PYGO1: variants seen among roughly 807,000 people sequenced by gnomAD.
The protein encoded by PYGO1 is pygopus family PHD finger 1.
A neutral mutation model predicts 29.5 loss-of-function variants in PYGO1; 6 were observed. That is an observed-to-expected ratio of 0.20 (90% CI 0.11 to 0.40). The LOEUF is 0.40. Ranked by LOEUF, PYGO1 falls within the 10% of genes least tolerant of loss-of-function variation. PYGO1 has a pLI of 1.00. For missense variants in PYGO1, 515 were observed against 514.9 expected (o/e 1.00, Z 0.00); for synonymous variants, 186 against 180.5 (o/e 1.03, Z -0.24).
chr15:55,547,222 C>T, intron 2 of PYGO1, 75 bp from the exon 3 acceptor site: 3 of 1,297,396 alleles, frequency 2.3e-6, no homozygotes, highest in Admixed American at 2.5e-5. Context: ...TACCTTAATA[C>T]CTGTGAACCT....
At chr15:55,549,329 A>G (rs1022022822) in intron 1 of PYGO1, among the ~76,000 whole-genome samples, 1 of 152,190 alleles carries the variant, frequency 6.6e-6, no homozygotes, top group African/African-American at 2.4e-5. Flanking sequence ...TAGATATATT[A>G]AAGTATATTA....
rs1256340343 is a variant in PYGO1, at chr15:55,544,926, C to G, written c.*1097G>C. The G allele has an allele frequency of 6.6e-6, 1 of 152,090 alleles. No homozygotes were observed. Among genetic ancestry groups the G allele is most frequent in the African/African-American group, 2.4e-5 (1 of 41,410 alleles). 9.4% of individuals were successfully genotyped at this position (152,090 alleles called of 1,614,324 possible). A position where few individuals can be genotyped will look rare whatever the true frequency, so the allele number is the denominator to read the frequency against. ...CTCAGGTCCATTTTTATACTTTTCCCCAGTCAGAGCGGGAATTCCTTAAGT... is the reference window on the plus strand; with the variant it reads ...CTCAGGTCCATTTTTATACTTTTCCGCAGTCAGAGCGGGAATTCCTTAAGT... On this transcript the variant is annotated 3_prime_UTR_variant, in exon 3 of 3. Transcript: ENST00000563719.
rs543773289 is a variant in PYGO1, at chr15:55,584,144, C to G, written c.49+3691G>C. Among the ~76,000 whole-genome samples, 4 of 136,558 alleles carry G rather than the reference C, an allele frequency of 2.9e-5. No homozygotes were observed. In the South Asian group the frequency reaches 9.3e-4, roughly 32 times the overall value. 89.6% of individuals were successfully genotyped at this position (136,558 alleles called of 152,430 possible). ...TTTTTTTGGTGGGGGCAGATAGGGT[C>G]TCACTCCAATTGCCCAGGCGGGAGT... is the stretch of plus-strand genomic sequence containing the variant. On this transcript the variant is annotated intron_variant, in intron 1 of 2. Coordinates refer to ENST00000563719, the MANE Select transcript of PYGO1 (RefSeq NM_001367806.1).
intron 1 of PYGO1, among the ~76,000 whole-genome samples, chr15:55,552,129 C>A (rs924772930): frequency 4.6e-5 from 7 of 151,774 alleles, no homozygotes; most frequent in Non-Finnish European, 7.4e-5. Context: ...CCGAGGCAGG[C>A]AGATCACTTG....
chr15:55,574,584 A>C (rs1222573584), intron 1 of PYGO1, among the ~76,000 whole-genome samples: 1 of 151,902 alleles, frequency 6.6e-6, no homozygotes, highest in Non-Finnish European at 1.5e-5. Context: ...GAGTTTTTTC[A>C]ATTTGTTGCA....
chr15:55,551,077 G>A (rs200707346), intron 1 of PYGO1, among the ~76,000 whole-genome samples: 44 of 152,258 alleles, frequency 2.9e-4, no homozygotes, highest in East Asian at 2.3e-3. Context: ...GTCAGGAGGC[G>A]GAGCTCAGGC....
At chr15:55,548,864 C>G in intron 2 of PYGO1, 46 bp downstream of exon 2, 1 of 1,533,026 alleles carries the variant, frequency 6.5e-7, no homozygotes, top group Non-Finnish European at 9.0e-7. Flanking sequence ...ATCAGCCTGA[C>G]CATACTAGCA....
At chr15:55,568,617 C>T (rs1030910522) in intron 1 of PYGO1, among the ~76,000 whole-genome samples, 14 of 151,992 alleles carry the variant, frequency 9.2e-5, no homozygotes, top group African/African-American at 3.1e-4. Context: ...TCTAACACTT[C>T]CAGTACTGTA....
intron 1 of PYGO1, among the ~76,000 whole-genome samples, chr15:55,568,883 G>C (rs1416821413): frequency 6.6e-6 from 1 of 152,138 alleles, no homozygotes; most frequent in Non-Finnish European, 1.5e-5. Context: ...TTTATGTGGT[G>C]AATCACACTT....
chr15:55,547,136 G>C lies in PYGO1; in HGVS notation c.147C>G (p.Phe49Leu), dbSNP rs775353014. The C allele has an allele frequency of 1.9e-6, 3 of 1,591,906 alleles. No homozygotes were observed. The highest frequency in any genetic ancestry group is 1.7e-6 in the Non-Finnish European group (2 of 1,169,452). The change falls in exon 3 of 3, where the codon TTC becomes TTG. Residue 49 changes from phenylalanine (F) to leucine (L), a missense_variant. Physicochemically the swap from Phe to Leu is conservative, Grantham distance 22. Transcript: ENST00000563719. ...KRKANTQGPS[F>L]PPLSEYAPPP... The stretch of plus-strand genomic sequence containing the variant: ...GTGGAGCATACTCAGACAATGGAGG[G>C]AAAGAAGGTCCCTGAAATGAGAATG...
At chr15:55,552,868 C>T (rs986288312) in intron 1 of PYGO1, among the ~76,000 whole-genome samples, 1 of 152,188 alleles carries the variant, frequency 6.6e-6, no homozygotes, top group Non-Finnish European at 1.5e-5. Context: ...AGGAAGGGTG[C>T]TGAATTCAGG....
In PYGO1 at chr15:55,543,285, T is replaced by G. The variant is rs1362996522; in HGVS notation, c.*2738A>C. On this transcript the variant is annotated 3_prime_UTR_variant, in exon 3 of 3. Coordinates refer to ENST00000563719, the MANE Select transcript of PYGO1 (RefSeq NM_001367806.1). ...ATCATCTGGCTATTCTTACAGTTCA[T>G]CACTTATTCCATCCAAAAGCATCTA... is the stretch of plus-strand genomic sequence containing the variant. The G allele has an allele frequency of 6.6e-6, 1 of 152,236 alleles. No individual in the cohort carries two copies. Among genetic ancestry groups the G allele is most frequent in the African/African-American group, 2.4e-5 (1 of 41,466 alleles). 9.4% of individuals were successfully genotyped at this position (152,236 alleles called of 1,614,324 possible).
chr15:55,562,113 A>G (rs1368850817), intron 1 of PYGO1, among the ~76,000 whole-genome samples: 1 of 152,244 alleles, frequency 6.6e-6, no homozygotes, highest in African/African-American at 2.4e-5. Flanking sequence ...TGATCATTAG[A>G]GAAATGCAAA....
intron 1 of PYGO1, among the ~76,000 whole-genome samples, chr15:55,584,790 G>A (rs1344664097): frequency 6.6e-6 from 1 of 152,166 alleles, no homozygotes; most frequent in African/African-American, 2.4e-5. Context: ...GAAAATAGGA[G>A]TAAGATACTG....
rs2058840881 is a variant in PYGO1, at chr15:55,544,440, G to A, written c.*1583C>T. The A allele has an allele frequency of 6.6e-6, 1 of 152,126 alleles. No individual in the cohort carries two copies. The highest frequency in any genetic ancestry group is 1.5e-5 in the Non-Finnish European group (1 of 68,012). 9.4% of individuals were successfully genotyped at this position (152,126 alleles called of 1,614,324 possible). On this transcript the variant is annotated 3_prime_UTR_variant, in exon 3 of 3. Transcript: ENST00000563719. ...GGAATAAAGGTCCAGTGACTAAAAT[G>A]GACATGACAAAATTTCATAGCCCAA... is the stretch of plus-strand genomic sequence containing the variant.
chr15:55,572,996 AGACTCTGTCTTT>A (rs1284863260), intron 1 of PYGO1, among the ~76,000 whole-genome samples: 1 of 138,832 alleles, frequency 7.2e-6, no homozygotes, highest in Non-Finnish European at 1.6e-5. Context: ...CAACACAGTG[AGACTCTGTCTTT>A]AAAAAAAAAA....
In PYGO1 at chr15:55,541,860, T is replaced by G. The variant is rs1486592623; in HGVS notation, c.*4163A>C. 6.6e-6 allele frequency: 1 copy of G among 152,240 alleles called. No homozygotes were observed. The highest frequency in any genetic ancestry group is 2.4e-5 in the African/African-American group (1 of 41,472). The allele number at this position is 152,240 out of a possible 1,614,324, so 9.4% of individuals were successfully genotyped here. On this transcript the variant is annotated 3_prime_UTR_variant, in exon 3 of 3. Transcript: ENST00000563719. Reference sequence around the variant, plus strand: ...CTTTCTCCCTCCTACACTGATTGATTGGTTTCCTAAAGAAAACTGAGAGTT... The same window carrying G: ...CTTTCTCCCTCCTACACTGATTGATGGGTTTCCTAAAGAAAACTGAGAGTT...
At chr15:55,585,168 A>G (rs981491709) in intron 1 of PYGO1, among the ~76,000 whole-genome samples, 9 of 152,184 alleles carry the variant, frequency 5.9e-5, no homozygotes, top group Non-Finnish European at 1.2e-4. Flanking sequence ...TGTAATTGCT[A>G]TATGTGTGTT....
rs916937670 is a variant in PYGO1 at position 55,545,292 on chromosome 15, T to C, written c.*731A>G. ...GAAAAGTAGGAGCATAATACTATCA[T>C]AATTCTAAATAGCACAACTGGGAAC... On this transcript the variant is annotated 3_prime_UTR_variant, in exon 3 of 3. Transcript: ENST00000563719. 16 of 152,242 alleles carry C rather than the reference T, an allele frequency of 1.1e-4. No individual in the cohort carries two copies. The highest frequency in any genetic ancestry group is 4.4e-5 in the Non-Finnish European group (3 of 68,032). The allele number at this position is 152,242 out of a possible 1,614,324, so 9.4% of individuals were successfully genotyped here.
Sources: gnomAD v4.1 joint callset for allele counts (sites outside exome capture counted in the v4.1 genomes callset) on GRCh38, gnomAD v4.1.1 for gene constraint, MANE v1.5 for transcripts, NCBI Gene and HGNC (gene_info 2026-07-23, HGNC 2026-07-21) for gene names.